Variants in CSDE1 observed in about 807,000 individuals in gnomAD.
CSDE1 encodes the protein cold shock domain containing E1.
A neutral mutation model predicts 89.3 loss-of-function variants in CSDE1; 17 were observed. The ratio of observed to expected loss-of-function variants is 0.19; its 90% CI spans 0.13 to 0.29. CSDE1 has a LOEUF of 0.29. Among genes scored for constraint, CSDE1 ranks in the 10% least tolerant of loss-of-function variants. CSDE1 has a pLI of 1.00. For synonymous variants in CSDE1, 322 were observed against 332.8 expected, an observed-to-expected ratio of 0.97 and a Z score of 0.35; for missense variants, 672 against 984.2, an observed-to-expected ratio of 0.68 and a Z score of 4.24.
At position 114,732,835 on chromosome 1, in the gene CSDE1, G is replaced by T. The variant is rs958770467; in HGVS notation, c.838-19C>A. Reference sequence around the variant, plus strand: ...GGTCATTCTGATGAGAAGGAAAAACGATTTTAGCTGGAGATTTCTCATCCT... The same window carrying T: ...GGTCATTCTGATGAGAAGGAAAAACTATTTTAGCTGGAGATTTCTCATCCT... On this transcript the variant is annotated intron_variant, in intron 9 of 19. Transcript: ENST00000358528. 1.3e-6 allele frequency: 2 copies of T among 1,582,392 alleles called. No homozygotes were observed. The highest frequency in any genetic ancestry group is 1.1e-5 in the South Asian group (1 of 90,364).
chr1:114,747,610 A>G (rs1293721335), intron 2 of CSDE1, among the ~76,000 whole-genome samples: 3 of 152,354 alleles, frequency 2.0e-5, no homozygotes, highest in South Asian at 4.1e-4. Context: ...CTGTAATCCC[A>G]GCACTTTGGG....
chr1:114,730,726 T>A, intron 10 of CSDE1, 78 bp from the exon 11 acceptor site: 1 of 1,540,176 alleles, frequency 6.5e-7, no homozygotes. Flanking sequence ...CACCATCAAG[T>A]TAAATTCATC....
At chr1:114,751,699 A>C (rs1187645403) in intron 1 of CSDE1, among the ~76,000 whole-genome samples, 2 of 151,830 alleles carry the variant, frequency 1.3e-5, no homozygotes, top group Non-Finnish European at 1.5e-5. Flanking sequence ...GCTTTAAAAA[A>C]AAAAAAACAA....
chr1:114,756,991 A>G (rs1570970104), intron 1 of CSDE1: 1 of 152,292 alleles, frequency 6.6e-6, no homozygotes, highest in Non-Finnish European at 1.5e-5. Context: ...CATTCTACAT[A>G]GAATGACGAA....
rs374115287 is a variant in CSDE1, at chr1:114,731,108, CT to C, written c.1051-461del. On this transcript the variant is annotated intron_variant, in intron 10 of 19. Transcript: ENST00000358528. Reference sequence around the variant, plus strand: ...GAATAAAATATATGCAATCTTTTCTCTTTTTTTTTTTTCCTTCTTACTAAAT... The same window carrying C: ...GAATAAAATATATGCAATCTTTTCTCTTTTTTTTTTTCCTTCTTACTAAAT... 3.2e-3 allele frequency among the ~76,000 whole-genome samples: 457 copies of C among 145,066 alleles called. 1 individual carries two copies. The highest frequency in any genetic ancestry group is 5.5e-3 in the African/African-American group (221 of 39,840).
chr1:114,724,088 A>C, intron 15 of CSDE1, 86 bp from the exon 16 acceptor site: 6 of 1,443,122 alleles, frequency 4.2e-6, no homozygotes, highest in Non-Finnish European at 5.7e-6. Flanking sequence ...AACAGCACAA[A>C]TGTTAACAGG....
At chr1:114,732,958 A>G in intron 9 of CSDE1, 142 bp from the exon 10 acceptor site, 1 of 674,270 alleles carries the variant, frequency 1.5e-6, no homozygotes, top group Non-Finnish European at 2.5e-6. Context: ...ACATAAGTCC[A>G]ATGTGAAAGC....
Position 114,723,980 on chromosome 1 carries a change from A to T in CSDE1, c.1776T>A (p.Ala592=). 1 of 1,613,944 alleles carries T rather than the reference A, an allele frequency of 6.2e-7. No individual in the cohort carries two copies. The highest frequency in any genetic ancestry group is 8.5e-7 in the Non-Finnish European group (1 of 1,179,848). The change falls in exon 16 of 20, where the codon GCT becomes GCA. Residue 592 remains alanine (A), a synonymous_variant. Coordinates refer to ENST00000358528, the MANE Select transcript of CSDE1 (RefSeq NM_001007553.3). The part of the protein sequence containing the change: ...THSVNGITEE[A]DPTIYSGKVI... ...CTTTGCCAGAGTAAATGGTGGGATCAGCTTCCTCAGTAATGCCATTCACTA... is the reference window on the plus strand; with the variant it reads ...CTTTGCCAGAGTAAATGGTGGGATCTGCTTCCTCAGTAATGCCATTCACTA...
chr1:114,724,062 CAAGT>C, intron 15 of CSDE1, 60 bp from the exon 16 acceptor site: 1 of 1,543,200 alleles, frequency 6.5e-7, no homozygotes, highest in Non-Finnish European at 8.8e-7. Flanking sequence ...CATAGAAAGA[CAAGT>C]AAGCAAAAAA....
At chr1:114,729,514 CAAA>C (rs66566286) in intron 12 of CSDE1, among the ~76,000 whole-genome samples, 33 of 127,176 alleles carry the variant, frequency 2.6e-4, no homozygotes, top group East Asian at 4.6e-4. Flanking sequence ...CACACAAAAC[CAAA>C]AAAAAAAAAA....
At chr1:114,738,153 CATTTG>C (rs1367097018) in intron 3 of CSDE1, 81 bp from the exon 4 acceptor site, 39 of 1,058,386 alleles carry the variant, frequency 3.7e-5, no homozygotes, top group Non-Finnish European at 5.3e-5. Context: ...CTTAACATAG[CATTTG>C]AATTGCCTTA....
chr1:114,741,464 A>G, intron 2 of CSDE1: 6 of 1,385,986 alleles, frequency 4.3e-6, no homozygotes, highest in Non-Finnish European at 5.7e-6. Context: ...AATGAGTGGC[A>G]ATCCTAGGTC....
At chr1:114,735,816 C>CA (rs1284752674) in intron 6 of CSDE1, among the ~76,000 whole-genome samples, 1 of 152,182 alleles carries the variant, frequency 6.6e-6, no homozygotes, top group Non-Finnish European at 1.5e-5. Context: ...TTCTTAACTA[C>CA]ATTTTCCTTA....
Position 114,725,326 on chromosome 1 carries a change from A to T in CSDE1, c.1648T>A (p.Ser550Thr). Reference sequence around the variant, plus strand: ...AGTTCCAGGCTATCAACATCACCAGAGAACTCACTAAGGAGAAAGGAAATG... The same window carrying T: ...AGTTCCAGGCTATCAACATCACCAGTGAACTCACTAAGGAGAAAGGAAATG... Reference protein sequence around the residue: ...KEIFFHYSEFSGDVDSLELGD... With the variant: ...KEIFFHYSEFTGDVDSLELGD... Residue 550 changes from serine to threonine, a missense_variant, in exon 15 of 20, where the codon TCT becomes ACT. This residue lies in a region of CSDE1 where 206 missense variants were observed against 332.4 expected (regional missense o/e 0.62). Coordinates refer to ENST00000358528, the MANE Select transcript of CSDE1 (RefSeq NM_001007553.3). The T allele has an allele frequency of 6.2e-7, 1 of 1,613,200 alleles. No individual in the cohort carries two copies. Among genetic ancestry groups the T allele is most frequent in the Non-Finnish European group, 8.5e-7 (1 of 1,179,126 alleles).
At chr1:114,744,976 T>C (rs1166097280) in intron 2 of CSDE1, among the ~76,000 whole-genome samples, 1 of 152,118 alleles carries the variant, frequency 6.6e-6, no homozygotes, top group Non-Finnish European at 1.5e-5. Context: ...TTAAACTTTA[T>C]ACACAAAAGC....
intron 2 of CSDE1, among the ~76,000 whole-genome samples, chr1:114,742,296 A>AT (rs1660771698): frequency 6.6e-6 from 1 of 152,196 alleles, no homozygotes; most frequent in Non-Finnish European, 1.5e-5. Flanking sequence ...ACCTTCACAA[A>AT]TAAGACAAAT....
chr1:114,746,983 C>T (rs1661044275), intron 2 of CSDE1: 1 of 152,180 alleles, frequency 6.6e-6, no homozygotes, highest in South Asian at 2.1e-4. Context: ...TCATCTGGGG[C>T]CTCAGTTTTC....
chr1:114,741,745 T>C, intron 2 of CSDE1: 4 of 1,160,478 alleles, frequency 3.4e-6, no homozygotes, highest in Non-Finnish European at 4.5e-6. Flanking sequence ...AGTCAATATA[T>C]ATTTTTAGCT....
chr1:114,753,517 G>C (rs1436243529), intron 1 of CSDE1, among the ~76,000 whole-genome samples: 2 of 152,112 alleles, frequency 1.3e-5, no homozygotes, highest in Admixed American at 1.3e-4. Context: ...ACTCATGCCC[G>C]GATTAACATT....
Sources: gnomAD v4.1 joint callset for allele counts (sites outside exome capture counted in the v4.1 genomes callset) on GRCh38, gnomAD v4.1.1 for gene constraint, gnomAD v4.1.1 regional missense constraint, MANE v1.5 for transcripts, NCBI Gene and HGNC (gene_info 2026-07-23, HGNC 2026-07-21) for gene names.